Variants in CLEC16A observed in about 807,000 individuals in gnomAD.
The protein encoded by CLEC16A is protein CLEC16A.
Under a neutral mutation model 109.5 loss-of-function variants are expected in CLEC16A, and 51 were observed. The ratio of observed to expected loss-of-function variants is 0.47; its 90% CI spans 0.37 to 0.59. The LOEUF (loss-of-function observed/expected upper bound fraction) is 0.59, where lower values mean the gene tolerates loss of function less well. CLEC16A is among the 20% of genes least tolerant of loss of function. The pLI is 0.00. For synonymous variants in CLEC16A, 673 were observed against 564.2 expected (o/e 1.19, Z -2.73); for missense variants, 1,339 against 1,394.0 (o/e 0.96, Z 0.63).
At chr16:11,062,761 C>T (rs1012177930) in intron 19 of CLEC16A, among the ~76,000 whole-genome samples, 1 of 152,136 alleles carries the variant, frequency 6.6e-6, no homozygotes, top group Non-Finnish European at 1.5e-5. Flanking sequence ...TGCCCAACTC[C>T]TTTGGCCCTT....
chr16:11,148,797 C>G (rs183137263), intron 22 of CLEC16A, among the ~76,000 whole-genome samples: 1 of 152,184 alleles, frequency 6.6e-6, no homozygotes, highest in African/African-American at 2.4e-5. Context: ...ACCCTTTCTC[C>G]GAGCACAGCG....
intron 11 of CLEC16A, among the ~76,000 whole-genome samples, chr16:11,005,129 C>T (rs2044918853): frequency 6.6e-6 from 1 of 152,180 alleles, no homozygotes; most frequent in Non-Finnish European, 1.5e-5. Context: ...TAAGGATGCT[C>T]TCTAACCAGG....
rs2044764238 is a variant in CLEC16A at position 11,003,060 on chromosome 16, T to C, written c.1072-14T>C. 3.1e-6 allele frequency: 5 copies of C among 1,594,132 alleles called. No homozygotes were observed. Among genetic ancestry groups the C allele is most frequent in the East Asian group, 2.2e-5 (1 of 44,636 alleles). On this transcript the variant is annotated splice_polypyrimidine_tract_variant and intron_variant, in intron 10 of 23. Transcript: ENST00000409790. ...TGTTCAAATTCACCTGTTGCCTTCG[T>C]TGGACTTTCCTAGGCCAAGCCCAGC...
In CLEC16A at chr16:11,170,403, C is replaced by T. The variant is rs189033779; in HGVS notation, c.2806+3851C>T. On this transcript the variant is annotated intron_variant, in intron 23 of 23. Transcript: ENST00000409790. ...CATGAGGCAGTGAAACCAGCTGATG[C>T]TCAGTTGGGTTTTCCGCCTCCAGCC... 1.7e-3 allele frequency among the ~76,000 whole-genome samples: 258 copies of T among 152,320 alleles called. 2 individuals carry two copies. Among genetic ancestry groups the T allele is most frequent in the Non-Finnish European group, 6.0e-4 (41 of 68,032 alleles).
chr16:11,047,144 G>A (rs893576047), intron 16 of CLEC16A, 148 bp from the exon 17 acceptor site: 10 of 479,696 alleles, frequency 2.1e-5, no homozygotes, highest in East Asian at 1.1e-4. Context: ...TTGTGTTCAC[G>A]TGTGCATTTT....
At chr16:11,116,208 G>A (rs998785356) in intron 19 of CLEC16A, among the ~76,000 whole-genome samples, 2 of 151,322 alleles carry the variant, frequency 1.3e-5, no homozygotes, top group Non-Finnish European at 2.9e-5. Flanking sequence ...TGGCCAACAT[G>A]GTGAAACCCT....
At chr16:11,124,213 C>A (rs1297661791) in intron 21 of CLEC16A, among the ~76,000 whole-genome samples, 1 of 152,244 alleles carries the variant, frequency 6.6e-6, no homozygotes, top group Non-Finnish European at 1.5e-5. Flanking sequence ...GACCACTCTT[C>A]TCAGCCCTTC....
intron 19 of CLEC16A, among the ~76,000 whole-genome samples, chr16:11,082,972 T>G (rs1177159090): frequency 1.3e-5 from 2 of 152,024 alleles, no homozygotes; most frequent in East Asian, 3.9e-4. Context: ...GATCTGTGGT[T>G]TACCCTCAGC....
chr16:11,173,791 T>G (rs957119353), intron 23 of CLEC16A, among the ~76,000 whole-genome samples: 3 of 152,182 alleles, frequency 2.0e-5, no homozygotes, highest in African/African-American at 7.2e-5. Context: ...GACAGGTGAT[T>G]CTGTTCTTCC....
At chr16:11,119,733 G>T (rs1026020422) in intron 19 of CLEC16A, among the ~76,000 whole-genome samples, 1 of 152,034 alleles carries the variant, frequency 6.6e-6, no homozygotes, top group African/African-American at 2.4e-5. Flanking sequence ...GGCTCTTTGG[G>T]CTCTTTTTTG....
chr16:10,955,478 T>G (rs2041942820), intron 1 of CLEC16A, among the ~76,000 whole-genome samples: 1 of 152,036 alleles, frequency 6.6e-6, no homozygotes, highest in Non-Finnish European at 1.5e-5. Context: ...AGGGAACAAT[T>G]AAATCCACCT....
intron 19 of CLEC16A, among the ~76,000 whole-genome samples, chr16:11,077,975 G>C (rs1195624297): frequency 7.3e-6 from 1 of 137,280 alleles, no homozygotes; most frequent in East Asian, 2.0e-4. Context: ...GTGTGTGTGT[G>C]TGTGTGTGTG....
chr16:11,014,723 G>A (rs1360445901), intron 11 of CLEC16A, among the ~76,000 whole-genome samples: 2 of 152,186 alleles, frequency 1.3e-5, no homozygotes, highest in African/African-American at 4.8e-5. Flanking sequence ...GGGGACCATA[G>A]GTGGAACTCT....
At chr16:11,084,763 G>A (rs545418795) in intron 19 of CLEC16A, among the ~76,000 whole-genome samples, 4 of 152,314 alleles carry the variant, frequency 2.6e-5, no homozygotes, top group African/African-American at 9.6e-5. Flanking sequence ...AATCATTCGC[G>A]TTCCACCTGG....
intron 10 of CLEC16A, among the ~76,000 whole-genome samples, chr16:10,992,014 AGCAGATCCTG>A (rs2044046464): frequency 6.6e-6 from 1 of 152,208 alleles, no homozygotes; most frequent in African/African-American, 2.4e-5. Flanking sequence ...CCAGTTGAGT[AGCAGATCCTG>A]GCTGGCCTGA....
In CLEC16A at chr16:11,126,244, T is replaced by C. The variant is rs748868911; in HGVS notation, c.2641+98T>C. 5.7e-6 allele frequency: 9 copies of C among 1,574,114 alleles called. No homozygotes were observed. In the East Asian group the frequency reaches 2.1e-4, roughly 37 times the overall value. On this transcript the variant is annotated intron_variant, in intron 22 of 23. Coordinates refer to ENST00000409790, the MANE Select transcript of CLEC16A (RefSeq NM_015226.3). ...GCCTGTGTGAGCTGCCCTTCCTCTCTCAGAAGCCCCGTCGGCTGGCAGCAC... is the reference window on the plus strand; with the variant it reads ...GCCTGTGTGAGCTGCCCTTCCTCTCCCAGAAGCCCCGTCGGCTGGCAGCAC...
At chr16:11,018,835 A>G (rs2045925561) in intron 11 of CLEC16A, among the ~76,000 whole-genome samples, 1 of 151,844 alleles carries the variant, frequency 6.6e-6, no homozygotes, top group South Asian at 2.1e-4. Context: ...TGAGCCAGCC[A>G]GGCAGGGATG....
rs1303891240 is a variant in CLEC16A at position 11,050,422 on chromosome 16, GA to G, written c.1867-1088del. 3.3e-5 allele frequency among the ~76,000 whole-genome samples: 5 copies of G among 152,204 alleles called. No individual in the cohort carries two copies. In the South Asian group the frequency reaches 6.2e-4, roughly 19 times the overall value. On this transcript the variant is annotated intron_variant, in intron 17 of 23. Coordinates refer to ENST00000409790, the MANE Select transcript of CLEC16A (RefSeq NM_015226.3). ...AGTCAGCTTTACCTAGCAGGAGGGGGAAAGTGGTATGTTTGAAGCCCACTTT... is the reference window on the plus strand; with the variant it reads ...AGTCAGCTTTACCTAGCAGGAGGGGGAAGTGGTATGTTTGAAGCCCACTTT...
At chr16:11,019,339 AGCTGATTGCT>A (rs2045955103) in intron 11 of CLEC16A, among the ~76,000 whole-genome samples, 1 of 152,216 alleles carries the variant, frequency 6.6e-6, no homozygotes, top group African/African-American at 2.4e-5. Flanking sequence ...ACCATGCTTA[AGCTGATTGCT>A]ACAGGTTACC....
Sources: gnomAD v4.1 joint callset for allele counts (sites outside exome capture counted in the v4.1 genomes callset) on GRCh38, gnomAD v4.1.1 for gene constraint, MANE v1.5 for transcripts, NCBI Gene and HGNC (gene_info 2026-07-23, HGNC 2026-07-21) for gene names.